Variants in PDGFRA observed in about 807,000 individuals in gnomAD.
PDGFRA encodes platelet-derived growth factor receptor alpha.
A neutral mutation model predicts 121.5 loss-of-function variants in PDGFRA; 25 were observed. That is an observed-to-expected ratio of 0.21 (90% CI 0.15 to 0.29). PDGFRA has a LOEUF of 0.29. Among genes scored for constraint, PDGFRA ranks in the 10% least tolerant of loss-of-function variants. The probability of loss-of-function intolerance (pLI) is 1.00; values close to 1 mark genes in which losing one functional copy is unlikely to be tolerated. For missense variants in PDGFRA, 1,008 were observed against 1,345.1 expected, an observed-to-expected ratio of 0.75 and a Z score of 3.92; for synonymous variants, 463 against 494.8, an observed-to-expected ratio of 0.94 and a Z score of 0.85.
intron 22 of PDGFRA, among the ~76,000 whole-genome samples, chr4:54,293,206 C>T (rs1272742590): frequency 6.6e-6 from 1 of 152,032 alleles, no homozygotes; most frequent in Non-Finnish European, 1.5e-5. Context: ...CCACAATCGG[C>T]ATTTTGCTGA....
chr4:54,275,044 G>A (rs140907965), intron 12 of PDGFRA, 71 bp downstream of exon 12: 1 of 1,516,658 alleles, frequency 6.6e-7, no homozygotes, highest in East Asian at 2.3e-5. Context: ...TATAGGCCTT[G>A]GCAGAATAGA....
At chr4:54,247,077 G>A (rs1416349957) in intron 1 of PDGFRA, among the ~76,000 whole-genome samples, 3 of 151,940 alleles carry the variant, frequency 2.0e-5, no homozygotes, top group Non-Finnish European at 4.4e-5. Flanking sequence ...GCAATAATCA[G>A]TAGCTTACCA....
chr4:54,285,820 A>G, intron 17 of PDGFRA, 21 bp from the exon 18 acceptor site: 3 of 1,613,632 alleles, frequency 1.9e-6, no homozygotes, highest in Non-Finnish European at 2.5e-6. Flanking sequence ...ATCCTGAGTC[A>G]TTTCTTCCTT....
chr4:54,237,860 G>GT (rs1721097960), intron 1 of PDGFRA, among the ~76,000 whole-genome samples: 1 of 152,204 alleles, frequency 6.6e-6, no homozygotes, highest in African/African-American at 2.4e-5. Flanking sequence ...GTGGGATATG[G>GT]CTAAAACACT....
intron 12 of PDGFRA, among the ~76,000 whole-genome samples, chr4:54,276,262 C>A (rs1723718214): frequency 6.6e-6 from 1 of 152,114 alleles, no homozygotes; most frequent in African/African-American, 2.4e-5. Context: ...CCCATTCCCC[C>A]AGTTTCAGAG....
intron 1 of PDGFRA, among the ~76,000 whole-genome samples, chr4:54,249,431 A>G (rs1037234239): frequency 1.3e-5 from 2 of 152,240 alleles, no homozygotes; most frequent in African/African-American, 4.8e-5. Context: ...TGGCACATAT[A>G]CACCATGGAA....
chr4:54,255,617 T>G (rs183055033), intron 1 of PDGFRA, among the ~76,000 whole-genome samples: 1 of 151,592 alleles, frequency 6.6e-6, no homozygotes, highest in African/African-American at 2.4e-5. Context: ...GCCATTCTCC[T>G]GCCTCAGCCT....
intron 7 of PDGFRA, among the ~76,000 whole-genome samples, chr4:54,268,315 G>T (rs7660759): frequency 0.032 from 4,887 of 152,204 alleles, 269 homozygotes; most frequent in African/African-American, 0.11. Context: ...GTGGAGTTTT[G>T]AATGAGTCAC....
intron 5 of PDGFRA, 154 bp downstream of exon 5, chr4:54,265,203 C>G (rs529266448): frequency 2.8e-6 from 2 of 710,546 alleles, no homozygotes; most frequent in African/African-American, 1.7e-5. Flanking sequence ...ATTAAATGGC[C>G]TTTAGGACTC....
chr4:54,280,667 A>G (rs1724027783), intron 16 of PDGFRA, 185 bp downstream of exon 16: 1 of 527,112 alleles, frequency 1.9e-6, no homozygotes, highest in Non-Finnish European at 3.4e-6. Flanking sequence ...TAAATTGAAA[A>G]GAATAAAAGC....
chr4:54,242,703 A>T (rs1022416503), intron 1 of PDGFRA, among the ~76,000 whole-genome samples: 16 of 151,916 alleles, frequency 1.1e-4, no homozygotes, highest in African/African-American at 3.9e-4. Context: ...TTATTTCTCC[A>T]TTCTGTCTTT....
In PDGFRA at chr4:54,274,577, G is replaced by T. The variant is rs779575357; in HGVS notation, c.1605G>T (p.Leu535Phe). 19 of 1,613,968 alleles carry T rather than the reference G, an allele frequency of 1.2e-5. No homozygotes were observed. In the Admixed American group the frequency reaches 3.2e-4, roughly 27 times the overall value. Reference protein sequence around the residue: ...LTVAAAVLVLLVIVIISLIVL... With the variant: ...LTVAAAVLVLFVIVIISLIVL... ...TGGCTGCTGCAGTCCTGGTGCTGTTGGTGATTGTGATCATCTCACTTATTG... is the reference window on the plus strand; with the variant it reads ...TGGCTGCTGCAGTCCTGGTGCTGTTTGTGATTGTGATCATCTCACTTATTG... Residue 535 changes from leucine (L) to phenylalanine (F), a missense_variant, in exon 11 of 23, where the codon TTG becomes TTT. Leu to Phe is a conservative substitution (Grantham distance 22). Coordinates refer to ENST00000257290, the MANE Select transcript of PDGFRA (RefSeq NM_006206.6).
Position 54,244,325 on chromosome 4 carries a change from G to A in PDGFRA, c.-12-14432G>A, listed in dbSNP as rs563593350. Among the ~76,000 whole-genome samples, 19 of 152,256 alleles carry A rather than the reference G, an allele frequency of 1.2e-4. No individual in the cohort carries two copies. In the South Asian group the frequency reaches 3.3e-3, roughly 27 times the overall value. On this transcript the variant is annotated intron_variant, in intron 1 of 22. Coordinates refer to ENST00000257290, the MANE Select transcript of PDGFRA (RefSeq NM_006206.6). ...TAACTGGGAGGCACCCCCTAGTAGG[G>A]GCAGACTGACACCTCACACAGCCGG...
chr4:54,232,118 T>TGGAAAAGTGACAATTCTA (rs1720714208), intron 1 of PDGFRA, among the ~76,000 whole-genome samples: 1 of 152,186 alleles, frequency 6.6e-6, no homozygotes, highest in Non-Finnish European at 1.5e-5. Context: ...ACGTTGCTGG[T>TGGAAAAGTGACAATTCTA]GGAAAAGTGA....
chr4:54,275,710 G>C (rs1406956461), intron 12 of PDGFRA, among the ~76,000 whole-genome samples: 3 of 152,194 alleles, frequency 2.0e-5, no homozygotes, highest in African/African-American at 7.2e-5. Flanking sequence ...TCTTCTTAGA[G>C]AGTTAGGTAA....
chr4:54,273,766 G>A (rs750475003), intron 10 of PDGFRA, 36 bp downstream of exon 10: 5 of 1,556,318 alleles, frequency 3.2e-6, no homozygotes, highest in Admixed American at 1.7e-5. Flanking sequence ...CTCATCAGCT[G>A]AGCCGCATCT....
Position 54,290,574 on chromosome 4 carries a change from C to T in PDGFRA, c.3122+20C>T, listed in dbSNP as rs370616465. 73 of 1,613,818 alleles carry T rather than the reference C, an allele frequency of 4.5e-5. No homozygotes were observed. The African/African-American group carries it at 6.8e-4, about 15-fold the overall frequency. On this transcript the variant is annotated intron_variant, in intron 22 of 22. Transcript: ENST00000257290. ...ACACAGGTAGCTGTGGGGGCAGCCT[C>T]GGTGTCTCACCTTTCCCCTCCCCTA...
intron 21 of PDGFRA, 133 bp downstream of exon 21, chr4:54,289,247 A>C (rs1210247610): frequency 1.4e-6 from 1 of 708,766 alleles, no homozygotes; most frequent in East Asian, 2.7e-5. Flanking sequence ...GCTGGGCTTC[A>C]TGGCGGTGCT....
chr4:54,232,658 C>G (rs749044575), intron 1 of PDGFRA, among the ~76,000 whole-genome samples: 6 of 152,214 alleles, frequency 3.9e-5, no homozygotes, highest in Non-Finnish European at 7.3e-5. Flanking sequence ...GATCTCGGCT[C>G]ACTGCAACCT....
Sources: gnomAD v4.1 joint callset for allele counts (sites outside exome capture counted in the v4.1 genomes callset) on GRCh38, gnomAD v4.1.1 for gene constraint, MANE v1.5 for transcripts, NCBI Gene and HGNC (gene_info 2026-07-23, HGNC 2026-07-21) for gene names.